The following ROGDI variants were observed in gnomAD, a reference collection of about 807,000 sequenced individuals.
ROGDI encodes the protein rogdi atypical leucine zipper, also known as protein rogdi homolog.
Under a neutral mutation model 43.1 loss-of-function variants are expected in ROGDI, and 46 were observed. That is an observed-to-expected ratio of 1.07 (90% CI 0.84 to 1.37). The LOEUF (loss-of-function observed/expected upper bound fraction) is 1.37, where lower values mean the gene tolerates loss of function less well. Ranked by LOEUF, ROGDI falls within the 40% of genes most tolerant of loss-of-function variation. ROGDI has a pLI of 0.00. For synonymous variants in ROGDI, 243 were observed against 162.0 expected, an observed-to-expected ratio of 1.50 and a Z score of -3.80; for missense variants, 518 against 383.9, an observed-to-expected ratio of 1.35 and a Z score of -2.92.
At position 4,797,697 on chromosome 16, in the gene ROGDI, G is replaced by A. The variant is rs111272920; in HGVS notation, c.822+17C>T. The A allele has an allele frequency of 1.6e-3, 1,891 of 1,200,818 alleles. 25 individuals are homozygous for A. In the African/African-American group the frequency reaches 0.048, roughly 30 times the overall value. The allele number at this position is 1,200,818 out of a possible 1,614,324, so 74.4% of individuals were successfully genotyped here. On this transcript the variant is annotated intron_variant, in intron 10 of 10. Coordinates refer to ENST00000322048, the MANE Select transcript of ROGDI (RefSeq NM_024589.3). ...TAGAAGTCCTTCCCCTAATGAAGGC[G>A]CTCGGCCCGGGCCCACCTTGTCCTT...
In ROGDI at chr16:4,798,316, G is replaced by A. The variant is rs948011490; in HGVS notation, c.532-132C>T. 71 of 821,872 alleles carry A rather than the reference G, an allele frequency of 8.6e-5. No homozygotes were observed. In the South Asian group the frequency reaches 1.0e-3, roughly 12 times the overall value. 50.9% of individuals were successfully genotyped at this position (821,872 alleles called of 1,614,324 possible). ...CCCAGAGATGCTCTTCTCATCAATG[G>A]GGGCTTCCAGACTTTTCCCAGGTGC... On this transcript the variant is annotated intron_variant, in intron 7 of 10. Coordinates refer to ENST00000322048, the MANE Select transcript of ROGDI (RefSeq NM_024589.3).
intron 4 of ROGDI, 24 bp from the exon 5 acceptor site, chr16:4,800,602 C>G (rs1043490336): frequency 1.4e-5 from 22 of 1,544,434 alleles, no homozygotes; most frequent in Non-Finnish European, 1.9e-5. Flanking sequence ...GTGGGGTGAG[C>G]TGGGCAGTGG....
At chr16:4,798,034 A>G (rs2082674745) in intron 8 of ROGDI, 37 bp downstream of exon 8, 4 of 1,613,566 alleles carry the variant, frequency 2.5e-6, no homozygotes, top group East Asian at 2.2e-5. Context: ...GGGCGTGTGC[A>G]TGGCGGGCAG....
In ROGDI at chr16:4,800,096, G is replaced by A. The variant is rs370955084; in HGVS notation, c.337-315C>T. 1.1e-4 allele frequency among the ~76,000 whole-genome samples: 16 copies of A among 152,288 alleles called. No individual in the cohort carries two copies. In the East Asian group the frequency reaches 1.2e-3, roughly 11 times the overall value. On this transcript the variant is annotated intron_variant, in intron 5 of 10. Coordinates refer to ENST00000322048, the MANE Select transcript of ROGDI (RefSeq NM_024589.3). ...CAAGGGTGCTGAGATGGAGACAGTC[G>A]GGGTGGAGGGGGCAGGGGAGGAGGC... is the stretch of plus-strand genomic sequence containing the variant.
intron 9 of ROGDI, 29 bp downstream of exon 9, chr16:4,797,892 AGGGATGGGGTGGGCGTG>A: frequency 1.2e-6 from 2 of 1,603,738 alleles, no homozygotes; most frequent in Non-Finnish European, 1.7e-6. Context: ...CCAGGTGTGG[AGGGATGGGGTGGGCGTG>A]CCTGGACCCC....
chr16:4,800,464 G>A (rs1256049259), intron 5 of ROGDI, 34 bp downstream of exon 5: 5 of 1,527,780 alleles, frequency 3.3e-6, no homozygotes, highest in Non-Finnish European at 2.7e-6. Flanking sequence ...GCCTGTCCTT[G>A]TGGCTGAGCA....
At chr16:4,797,558 G>T in intron 10 of ROGDI, 57 bp from the exon 11 acceptor site, 2 of 1,579,014 alleles carry the variant, frequency 1.3e-6, no homozygotes, top group Non-Finnish European at 1.7e-6. Context: ...GCCCAGGGGA[G>T]ATGTCAAGGT....
chr16:4,798,754 C>G, intron 6 of ROGDI, 87 bp from the exon 7 acceptor site: 1 of 1,110,570 alleles, frequency 9.0e-7, no homozygotes, highest in Non-Finnish European at 1.3e-6. Context: ...CACTCCCACC[C>G]AGCCCAGTGG....
chr16:4,800,280 C>A (rs1172846114), intron 5 of ROGDI, among the ~76,000 whole-genome samples: 1 of 152,166 alleles, frequency 6.6e-6, no homozygotes, highest in Non-Finnish European at 1.5e-5. Flanking sequence ...CCCGATGTGG[C>A]CCTCGGGGCT....
At chr16:4,801,762 T>C (rs1266201439) in intron 2 of ROGDI, 177 bp from the exon 3 acceptor site, 10 of 620,434 alleles carry the variant, frequency 1.6e-5, no homozygotes, top group Non-Finnish European at 2.9e-6. Context: ...CACCTAACCG[T>C]GAGCCCGATC....
At chr16:4,802,021 G>A in intron 2 of ROGDI, 2 of 580,216 alleles carry the variant, frequency 3.4e-6, no homozygotes, top group Non-Finnish European at 6.5e-6. Context: ...TCTCCCTTTT[G>A]CCAATGAGAA....
chr16:4,801,898 C>T, intron 2 of ROGDI: 2 of 575,406 alleles, frequency 3.5e-6, no homozygotes, highest in Non-Finnish European at 6.4e-6. Flanking sequence ...GGGAACAAGG[C>T]AGTAGTTATG....
In ROGDI at chr16:4,802,372, G is replaced by A. The variant is rs113858060; in HGVS notation, c.117+10C>T. 1,912 of 1,566,322 alleles carry A rather than the reference G, an allele frequency of 1.2e-3. 26 individuals carry two copies. In the African/African-American group the frequency reaches 0.023, roughly 19 times the overall value. On this transcript the variant is annotated intron_variant, in intron 2 of 10. Coordinates refer to ENST00000322048, the MANE Select transcript of ROGDI (RefSeq NM_024589.3). ...CGCCACGCCCGGCGGGGCAGGGCGC[G>A]GGTCGTTACCTTGAGGATGTCCTGC...
At chr16:4,801,987 A>G in intron 2 of ROGDI, 1 of 576,734 alleles carries the variant, frequency 1.7e-6, no homozygotes, top group Non-Finnish European at 3.3e-6. Flanking sequence ...TCTACACCCC[A>G]GCCTCGCGAA....
Position 4,798,115 on chromosome 16 carries a change from G to A in ROGDI, c.601C>T (p.Leu201Phe). 1 of 1,614,056 alleles carries A rather than the reference G, an allele frequency of 6.2e-7. No individual in the cohort carries two copies. Among genetic ancestry groups the A allele is most frequent in the Non-Finnish European group, 8.5e-7 (1 of 1,179,954 alleles). Residue 201 changes from leucine to phenylalanine, a missense_variant, in exon 8 of 11, where the codon CTC becomes TTC. Coordinates refer to ENST00000322048, the MANE Select transcript of ROGDI (RefSeq NM_024589.3). ...NVYINLNKLC[L>F]TVYQLHALQP... is the part of the protein sequence containing the mutation. Reference sequence around the variant, plus strand: ...AGGGCATGCAGCTGGTACACCGTGAGGCAGAGCTTGTTGAGGTTGATGTAG... The same window carrying A: ...AGGGCATGCAGCTGGTACACCGTGAAGCAGAGCTTGTTGAGGTTGATGTAG...
chr16:4,797,912 T>G, intron 9 of ROGDI, 26 bp downstream of exon 9: 1 of 1,599,760 alleles, frequency 6.3e-7, no homozygotes, highest in East Asian at 2.2e-5. Context: ...TGGGCGTGCC[T>G]GGACCCCCCG....
rs1183246010 is a variant in ROGDI, at chr16:4,801,417, C to T, written c.200+86G>A. ...TGCCCCTCCTGTCCCATCGCACAAC[C>T]AGCTGGTCTGCAGGACAGGGCTATG... On this transcript the variant is annotated intron_variant, in intron 3 of 10. Transcript: ENST00000322048. 8.3e-6 allele frequency: 13 copies of T among 1,557,866 alleles called. No homozygotes were observed. The African/African-American group carries it at 1.6e-4, about 19-fold the overall frequency.
At position 4,800,567 on chromosome 16, in the gene ROGDI, C is replaced by T. The variant is rs770605828; in HGVS notation, c.267G>A (p.Leu89=). ...GDALSQADVN[L]KMPRNNQLLH... is the part of the protein sequence containing the mutation. The stretch of plus-strand genomic sequence containing the variant: ...GCAGCTGGTTGTTCCGGGGCATCTT[C>T]AGGTTCACATCCTGACAGGCAAGAG... The change falls in exon 5 of 11, where the codon CTG becomes CTA. Residue 89 remains leucine, a synonymous_variant. Transcript: ENST00000322048. 3 of 1,567,804 alleles carry T rather than the reference C, an allele frequency of 1.9e-6. No homozygotes were observed. The highest frequency in any genetic ancestry group is 1.2e-5 in the South Asian group (1 of 85,296).
In ROGDI at chr16:4,797,967, G is replaced by GC. The variant is rs1039568775; in HGVS notation, c.665dup (p.Ala223ArgfsTer5). On this transcript the variant is annotated frameshift_variant, in exon 9 of 11. Coordinates refer to ENST00000322048, the MANE Select transcript of ROGDI (RefSeq NM_024589.3). LOFTEE classifies it high-confidence loss of function. ...TGGCCCCAGGGCTATGCAGCACCGC[G>GC]CCCCCAGCTGGGCGGAAGTTCTAGG... is the stretch of plus-strand genomic sequence containing the variant. 3 of 1,606,250 alleles carry GC rather than the reference G, an allele frequency of 1.9e-6. No homozygotes were observed.
Sources: allele counts gnomAD v4.1 joint callset (sites outside exome capture counted in the v4.1 genomes callset), GRCh38; gene constraint gnomAD v4.1.1; transcripts MANE v1.5; gene names NCBI Gene and HGNC (gene_info 2026-07-23, HGNC 2026-07-21).